The following APP variants were observed in gnomAD, a reference collection of about 807,000 sequenced individuals.
APP encodes the protein amyloid-beta precursor protein.
In APP, 31 loss-of-function variants were observed where a neutral mutation model predicts 101.4. That is an observed-to-expected ratio of 0.31 (90% confidence interval 0.23 to 0.41). The LOEUF (loss-of-function observed/expected upper bound fraction) is 0.41. Ranked by LOEUF, APP falls within the 10% of genes least tolerant of loss-of-function variation. The probability of loss-of-function intolerance (pLI) is 1.00; values close to 1 mark genes in which losing one functional copy is unlikely to be tolerated. For missense variants in APP, 839 were observed against 1,003.7 expected (o/e 0.84, Z 2.22); for synonymous variants, 366 against 364.4 (o/e 1.00, Z -0.05).
At chr21:26,070,141 T>C (rs1045409980) in intron 3 of APP, among the ~76,000 whole-genome samples, 2 of 152,204 alleles carry the variant, frequency 1.3e-5, no homozygotes, top group African/African-American at 2.4e-5. Flanking sequence ...AGCTCTTCAA[T>C]AAAAATGTAT....
intron 8 of APP, among the ~76,000 whole-genome samples, chr21:25,991,629 C>T (rs757008714): frequency 3.3e-5 from 5 of 152,308 alleles, no homozygotes; most frequent in East Asian, 1.9e-4. Context: ...CTGCCCGCCT[C>T]GGCCTCCCAA....
intron 6 of APP, among the ~76,000 whole-genome samples, chr21:26,020,907 T>A (rs887937794): frequency 6.6e-6 from 1 of 152,192 alleles, no homozygotes; most frequent in African/African-American, 2.4e-5. Flanking sequence ...ATTAATTCAA[T>A]AGAGAAAGTC....
In APP at chr21:25,955,773, A is replaced by G; in HGVS notation, c.1459-18T>C. 1 of 1,614,084 alleles carries G rather than the reference A, an allele frequency of 6.2e-7. No homozygotes were observed. Reference sequence around the variant, plus strand: ...TGACGAGGCTGTGGGAGGAAAATGAAAAACTCTTTTTCAAGTTTGTGCAAA... The same window carrying G: ...TGACGAGGCTGTGGGAGGAAAATGAGAAACTCTTTTTCAAGTTTGTGCAAA... On this transcript the variant is annotated intron_variant, in intron 11 of 17. Coordinates refer to ENST00000346798, the MANE Select transcript of APP (RefSeq NM_000484.4).
chr21:25,923,575 T>G, intron 13 of APP, among the ~76,000 whole-genome samples: 1 of 136,218 alleles, frequency 7.3e-6, no homozygotes, highest in African/African-American at 2.9e-5. Flanking sequence ...GCAAAGGACA[T>G]GAACAGACAC....
chr21:25,940,506 T>C (rs1332146057), intron 13 of APP, among the ~76,000 whole-genome samples: 1 of 152,226 alleles, frequency 6.6e-6, no homozygotes, highest in East Asian at 1.9e-4. Context: ...CCATAATTTT[T>C]AAAAAATTAC....
intron 2 of APP, among the ~76,000 whole-genome samples, chr21:26,100,239 A>G: frequency 6.8e-6 from 1 of 147,676 alleles, no homozygotes; most frequent in African/African-American, 2.5e-5. Context: ...GAAGAAATCT[A>G]CGGTCAGTAA....
chr21:25,981,807 A>G (rs2042442511), intron 9 of APP, among the ~76,000 whole-genome samples: 1 of 150,126 alleles, frequency 6.7e-6, no homozygotes, highest in Non-Finnish European at 1.5e-5. Flanking sequence ...TCTCTGGCTC[A>G]CTGATTTTGC....
intron 13 of APP, among the ~76,000 whole-genome samples, chr21:25,954,369 C>T (rs570836699): frequency 3.3e-5 from 5 of 152,300 alleles, no homozygotes; most frequent in African/African-American, 7.2e-5. Context: ...CAAAACTATA[C>T]CCTAAGTCAG....
intron 3 of APP, among the ~76,000 whole-genome samples, chr21:26,080,162 A>G (rs72635016): frequency 0.091 from 13,839 of 152,228 alleles, 797 homozygotes; most frequent in East Asian, 0.24. Flanking sequence ...ATCCATAAGA[A>G]ATTAACACAA....
intron 6 of APP, among the ~76,000 whole-genome samples, chr21:26,012,959 G>A (rs957796630): frequency 1.3e-5 from 2 of 151,118 alleles, no homozygotes; most frequent in Non-Finnish European, 2.9e-5. Context: ...CAGCCTGGGT[G>A]ACTGAGACTC....
At chr21:25,951,021 T>C (rs773189210) in intron 13 of APP, among the ~76,000 whole-genome samples, 1 of 152,216 alleles carries the variant, frequency 6.6e-6, no homozygotes, top group African/African-American at 2.4e-5. Context: ...GTCTGGAATA[T>C]GGCACTGGGA....
chr21:25,967,857 A>T (rs2041854678), intron 11 of APP, among the ~76,000 whole-genome samples: 1 of 152,220 alleles, frequency 6.6e-6, no homozygotes, highest in Non-Finnish European at 1.5e-5. Flanking sequence ...CTTAGCTTTA[A>T]GTATTTAATC....
chr21:26,166,906 A>AG (rs1569055925), intron 1 of APP, among the ~76,000 whole-genome samples: 728 of 38,082 alleles, frequency 0.019, 4 homozygotes, highest in African/African-American at 0.063. Context: ...GAGAGAGAGA[A>AG]AGAGAGAGAA....
At chr21:25,935,537 A>G (rs2040323009) in intron 13 of APP, among the ~76,000 whole-genome samples, 1 of 152,128 alleles carries the variant, frequency 6.6e-6, no homozygotes, top group Non-Finnish European at 1.5e-5. Flanking sequence ...TGGATACACT[A>G]AAAACTAATT....
At chr21:25,954,335 T>C (rs1206136472) in intron 13 of APP, among the ~76,000 whole-genome samples, 1 of 152,216 alleles carries the variant, frequency 6.6e-6, no homozygotes, top group Middle Eastern at 3.2e-3. Context: ...CACGTATAAT[T>C]CAATAACAAG....
chr21:26,102,594 T>C (rs893266111), intron 2 of APP, among the ~76,000 whole-genome samples: 1 of 152,016 alleles, frequency 6.6e-6, no homozygotes, highest in African/African-American at 2.4e-5. Flanking sequence ...TTTATGCTGT[T>C]AAATGATGAA....
chr21:26,049,627 A>G (rs146299818), intron 5 of APP, among the ~76,000 whole-genome samples: 3 of 152,344 alleles, frequency 2.0e-5, no homozygotes, highest in East Asian at 1.9e-4. Context: ...AGAAGCAACT[A>G]AAGAAAGAAA....
chr21:25,892,077 T>G (rs2146239418), intron 16 of APP, among the ~76,000 whole-genome samples: 2 of 151,968 alleles, frequency 1.3e-5, no homozygotes, highest in African/African-American at 4.8e-5. Flanking sequence ...AAATCACATA[T>G]TTTCCTACTA....
At chr21:25,945,824 G>A in intron 13 of APP, 1 of 446,286 alleles carries the variant, frequency 2.2e-6, no homozygotes, top group Non-Finnish European at 4.5e-6. Context: ...GAGTAGCTGG[G>A]ACTACAAATA....
Sources: gnomAD v4.1 joint callset for allele counts (sites outside exome capture counted in the v4.1 genomes callset) on GRCh38, gnomAD v4.1.1 for gene constraint, MANE v1.5 for transcripts, NCBI Gene and HGNC (gene_info 2026-07-23, HGNC 2026-07-21) for gene names.